ABCA3: variants seen among roughly 807,000 people sequenced by gnomAD.
ABCA3 encodes ATP binding cassette subfamily A member 3.
In ABCA3, 88 loss-of-function variants were observed where a neutral mutation model predicts 172.8. The ratio of observed to expected loss-of-function variants is 0.51; its 90% CI spans 0.43 to 0.61. The LOEUF (loss-of-function observed/expected upper bound fraction) is 0.61, where lower values mean the gene tolerates loss of function less well. ABCA3 is among the 20% of genes least tolerant of loss of function. The pLI is 0.00. For synonymous variants in ABCA3, 1,066 were observed against 983.8 expected, an observed-to-expected ratio of 1.08 and a Z score of -1.56; for missense variants, 2,164 against 2,301.0, an observed-to-expected ratio of 0.94 and a Z score of 1.22.
intron 1 of ABCA3, among the ~76,000 whole-genome samples, chr16:2,338,524 G>A (rs2093755393): frequency 6.6e-6 from 1 of 152,056 alleles, no homozygotes; most frequent in South Asian, 2.1e-4. Context: ...GGGCTGTTTT[G>A]GGCCCAGGCT....
intron 5 of ABCA3, among the ~76,000 whole-genome samples, chr16:2,325,373 G>T (rs1408732564): frequency 6.6e-6 from 1 of 152,096 alleles, no homozygotes; most frequent in Non-Finnish European, 1.5e-5. Context: ...TGCTCCCCGG[G>T]GTCCTCACAG....
In ABCA3 at chr16:2,281,013, C is replaced by G; in HGVS notation, c.4359+14G>C. ...CCTGTCTCACCCCTTCAGAGCCTCC[C>G]TGGCTGCACCCACCTTTCCGACATC... On this transcript the variant is annotated intron_variant, in intron 28 of 32. Transcript: ENST00000301732. This position sits in a 1 kb window ranked among gnomAD's most constrained non-coding sequence, Gnocchi z 4.7. 1.2e-6 allele frequency: 2 copies of G among 1,613,872 alleles called. No individual in the cohort carries two copies. Among genetic ancestry groups the G allele is most frequent in the South Asian group, 2.2e-5 (2 of 91,084 alleles).
intron 6 of ABCA3, 66 bp downstream of exon 6, chr16:2,324,338 T>C (rs758711857): frequency 1.3e-6 from 2 of 1,534,326 alleles, no homozygotes; most frequent in Non-Finnish European, 1.7e-6. Flanking sequence ...GTTGAACTAG[T>C]GACGCGGGAG....
chr16:2,309,240 C>T (rs1004548839), intron 10 of ABCA3, among the ~76,000 whole-genome samples: 6 of 152,082 alleles, frequency 3.9e-5, no homozygotes, highest in Non-Finnish European at 7.4e-5. Flanking sequence ...GCCACCGTGC[C>T]CAGCCTGCCT....
intron 1 of ABCA3, chr16:2,332,726 C>G: frequency 8.3e-7 from 1 of 1,209,716 alleles, no homozygotes; most frequent in Middle Eastern, 2.8e-4. Context: ...AAGACCCGCA[C>G]CGATTGCCTC....
intron 11 of ABCA3, among the ~76,000 whole-genome samples, chr16:2,304,493 C>T (rs1199954831): frequency 6.8e-6 from 1 of 148,094 alleles, no homozygotes; most frequent in Non-Finnish European, 1.5e-5. Context: ...GTGCATTTAG[C>T]ATAAGTCTTT....
At chr16:2,334,854 G>C (rs375808834) in intron 1 of ABCA3, among the ~76,000 whole-genome samples, 1 of 146,936 alleles carries the variant, frequency 6.8e-6, no homozygotes. Context: ...TTGAGACGGA[G>C]TTTCACTCTT....
Position 2,277,919 on chromosome 16 carries a change from C to A in ABCA3, c.4869G>T (p.Ala1623=). 1 of 1,610,926 alleles carries A rather than the reference C, an allele frequency of 6.2e-7. No homozygotes were observed. Among genetic ancestry groups the A allele is most frequent in the South Asian group, 1.1e-5 (1 of 91,012 alleles). ...CCACGAAGGCCTTGAACTCCTCCAG[C>A]GCCTCCTGTTGCCCTTCACTCTGCA... ...AKVQSEGQQE[A]LEEFKAFVDL... Residue 1623 remains alanine, a synonymous_variant, in exon 31 of 33, where the codon GCG becomes GCT. Transcript: ENST00000301732. This position sits in a 1 kb window ranked among gnomAD's most constrained non-coding sequence, Gnocchi z 5.3.
At chr16:2,335,422 G>C (rs148922627) in intron 1 of ABCA3, among the ~76,000 whole-genome samples, 6 of 152,078 alleles carry the variant, frequency 3.9e-5, no homozygotes, top group Non-Finnish European at 8.8e-5. Flanking sequence ...TGGGACTACA[G>C]GCATGTACCA....
intron 12 of ABCA3, among the ~76,000 whole-genome samples, chr16:2,301,094 G>A (rs985918117): frequency 6.6e-6 from 1 of 151,538 alleles, no homozygotes; most frequent in Admixed American, 6.6e-5. Context: ...AGCCGGGCGT[G>A]GTGGTGGGCG....
chr16:2,314,736 C>G (rs989559844), intron 10 of ABCA3, among the ~76,000 whole-genome samples: 1 of 151,954 alleles, frequency 6.6e-6, no homozygotes, highest in African/African-American at 2.4e-5. Context: ...GCCACCACAC[C>G]TGGCTAATTT....
chr16:2,312,713 G>T (rs934490827), intron 10 of ABCA3, among the ~76,000 whole-genome samples: 4 of 152,042 alleles, frequency 2.6e-5, no homozygotes, highest in South Asian at 2.1e-4. Context: ...TGTATTTTTA[G>T]TAGAGACGGG....
In ABCA3 at chr16:2,281,306, G is replaced by A; in HGVS notation, c.4164+75C>T. On this transcript the variant is annotated intron_variant, in intron 27 of 32. Coordinates refer to ENST00000301732, the MANE Select transcript of ABCA3 (RefSeq NM_001089.3). The surrounding 1 kb of genome is among the most constrained non-coding windows in gnomAD (Gnocchi z 4.7). ...TGAGCCTCAGCGCCGAAAGCTTCCAGGGATGGGGTCGGACCCTGGGGACAG... is the reference window on the plus strand; with the variant it reads ...TGAGCCTCAGCGCCGAAAGCTTCCAAGGATGGGGTCGGACCCTGGGGACAG... 1 of 1,613,250 alleles carries A rather than the reference G, an allele frequency of 6.2e-7. No individual in the cohort carries two copies. Among genetic ancestry groups the A allele is most frequent in the Non-Finnish European group, 8.5e-7 (1 of 1,179,850 alleles).
chr16:2,283,376 C>A lies in ABCA3; in HGVS notation c.3863-18G>T. 6.2e-7 allele frequency: 1 copy of A among 1,610,314 alleles called. No individual in the cohort carries two copies. The highest frequency in any genetic ancestry group is 1.1e-5 in the South Asian group (1 of 90,896). ...CTGGATGTCTGTGGGGCGAGGGAGT[C>A]ACTGTGCCCCGAGGCCTGGGGCACC... is the stretch of plus-strand genomic sequence containing the variant. On this transcript the variant is annotated intron_variant, in intron 25 of 32. Coordinates refer to ENST00000301732, the MANE Select transcript of ABCA3 (RefSeq NM_001089.3). The surrounding 1 kb of genome is among the most constrained non-coding windows in gnomAD (Gnocchi z 5.4).
intron 5 of ABCA3, 73 bp downstream of exon 5, chr16:2,325,937 G>A (rs1202025255): frequency 3.7e-6 from 6 of 1,601,096 alleles, no homozygotes; most frequent in Non-Finnish European, 5.1e-6. Context: ...GCACATCCTG[G>A]GCTCGACCCC....
chr16:2,324,582 T>TGA, intron 5 of ABCA3, 51 bp from the exon 6 acceptor site: 3 of 1,601,620 alleles, frequency 1.9e-6, no homozygotes, highest in Non-Finnish European at 2.5e-6. Flanking sequence ...CCCTCCTGCT[T>TGA]GAAAAATCTG....
intron 1 of ABCA3, among the ~76,000 whole-genome samples, chr16:2,330,568 C>T (rs1567356468): frequency 6.6e-6 from 1 of 151,922 alleles, no homozygotes; most frequent in South Asian, 2.1e-4. Context: ...GATCCGCCGA[C>T]CTTGGCCTCT....
In ABCA3 at chr16:2,303,985, C is replaced by T; in HGVS notation, c.1451G>A (p.Trp484Ter). The T allele has an allele frequency of 6.2e-7, 1 of 1,614,134 alleles. No homozygotes were observed. Among genetic ancestry groups the T allele is most frequent in the Non-Finnish European group, 8.5e-7 (1 of 1,180,018 alleles). ...FPGQFGVPQP[W>*]YFFIMPSYWC... is the part of the protein sequence containing the mutation. ...AGAACTCACCATGATGAAGAAGTACCAGGGCTGAGGCACGCCGAACTGCCC... is the reference window on the plus strand; with the variant it reads ...AGAACTCACCATGATGAAGAAGTACTAGGGCTGAGGCACGCCGAACTGCCC... The change falls in exon 12 of 33, where the codon TGG becomes TAG. Residue 484 changes from tryptophan (W) to a stop codon, truncating the protein, a stop_gained. Transcript: ENST00000301732. LOFTEE classifies it high-confidence loss of function.
At chr16:2,311,540 GGA>G (rs2093706734) in intron 10 of ABCA3, among the ~76,000 whole-genome samples, 1 of 150,308 alleles carries the variant, frequency 6.7e-6, no homozygotes, top group Non-Finnish European at 1.5e-5. Context: ...TTTAATTTTT[GGA>G]GAGAGAGTCT....
Sources: gnomAD v4.1 joint callset for allele counts (sites outside exome capture counted in the v4.1 genomes callset) on GRCh38, gnomAD v4.1.1 for gene constraint, Gnocchi (gnomAD v3.1) non-coding constraint, MANE v1.5 for transcripts, NCBI Gene and HGNC (gene_info 2026-07-23, HGNC 2026-07-21) for gene names.